KLC1: variants seen among roughly 807,000 people sequenced by gnomAD.
KLC1 encodes the protein kinesin 2 60/70kDa.
Under a neutral mutation model 84.2 loss-of-function variants are expected in KLC1, and 30 were observed. The observed-to-expected ratio is 0.36, with a 90% CI of 0.27 to 0.48. The LOEUF (loss-of-function observed/expected upper bound fraction) is 0.48. Ranked by LOEUF, KLC1 falls within the 20% of genes least tolerant of loss-of-function variation. The pLI, the probability that KLC1 is intolerant of heterozygous loss-of-function variation, is 0.99. For synonymous variants in KLC1, 289 were observed against 293.3 expected (o/e 0.99, Z 0.15); for missense variants, 499 against 805.4 (o/e 0.62, Z 4.60).
chr14:103,631,648 A>G (rs578227805), intron 1 of KLC1, among the ~76,000 whole-genome samples: 1 of 152,260 alleles, frequency 6.6e-6, no homozygotes, highest in Admixed American at 6.5e-5. Context: ...CTCAGGCTAG[A>G]GTGCAGTGGT....
rs910431042 is a variant in KLC1, at chr14:103,700,664, G to A, written c.1858G>A (p.Gly620Ser). The A allele has an allele frequency of 1.2e-6, 2 of 1,607,480 alleles. No homozygotes were observed. The highest frequency in any genetic ancestry group is 2.3e-5 in the East Asian group (1 of 44,382). Residue 620 changes from glycine (G) to serine (S), a missense_variant, in exon 16 of 17, where the codon GGC (glycine) becomes AGC (serine). Physicochemically the swap from Gly to Ser is moderately conservative, Grantham distance 56. Transcript: ENST00000334553. ...TGTGCTTCATCTCCAGGGCGTCTCT[G>A]GCCGAGCCTCTTTTTGTGGAAAACG... is the stretch of plus-strand genomic sequence containing the variant. ...AAEDRFQGVS[G>S]RASFCGKRQQ... is the part of the protein sequence containing the mutation.
chr14:103,645,293 G>A (rs1396183697), intron 1 of KLC1, among the ~76,000 whole-genome samples: 7 of 152,090 alleles, frequency 4.6e-5, no homozygotes, highest in East Asian at 1.9e-4. Flanking sequence ...CAGATTTCTC[G>A]GGAAAATTTG....
At chr14:103,664,802 A>G (rs1595430656) in intron 5 of KLC1, among the ~76,000 whole-genome samples, 1 of 143,778 alleles carries the variant, frequency 7.0e-6, no homozygotes, top group East Asian at 2.1e-4. Context: ...GGCGTGAACC[A>G]CTGCACTTGG....
At chr14:103,665,889 A>G (rs935961836) in intron 5 of KLC1, among the ~76,000 whole-genome samples, 17 of 152,076 alleles carry the variant, frequency 1.1e-4, no homozygotes, top group Non-Finnish European at 1.6e-4. Flanking sequence ...GGGGGGCTCT[A>G]TTCCGTTGGT....
At chr14:103,653,852 A>G (rs908263786) in intron 1 of KLC1, among the ~76,000 whole-genome samples, 2 of 152,220 alleles carry the variant, frequency 1.3e-5, no homozygotes, top group African/African-American at 4.8e-5. Context: ...AGAGGGAACC[A>G]TTGCTCAGTG....
chr14:103,679,586 C>T, intron 13 of KLC1, 41 bp downstream of exon 13: 1 of 1,518,210 alleles, frequency 6.6e-7, no homozygotes, highest in Non-Finnish European at 9.1e-7. Flanking sequence ...CGGGAGGCGC[C>T]CCCAAGTGGC....
intron 1 of KLC1, among the ~76,000 whole-genome samples, chr14:103,635,319 T>C (rs545854597): frequency 5.5e-4 from 84 of 152,328 alleles, no homozygotes; most frequent in African/African-American, 1.9e-3. Context: ...GTTTGCACTG[T>C]TCCAGAGAAA....
chr14:103,700,410 G>A (rs548607752), intron 15 of KLC1: 49 of 448,628 alleles, frequency 1.1e-4, no homozygotes, highest in African/African-American at 1.9e-4. Flanking sequence ...GCCTCTGACC[G>A]CACAGCTTGG....
rs2082280785 is a variant in KLC1, at chr14:103,694,138, G to A, written c.1848+1713G>A. ...TCCTTCCCAGCTGGAGCATCTTCCG[G>A]GTCTCTCTTTCCAAGGTCCCCATGC... On this transcript the variant is annotated intron_variant, in intron 15 of 16. Coordinates refer to ENST00000334553, the MANE Select transcript of KLC1 (RefSeq NM_001394837.1). The surrounding 1 kb of genome is among the most constrained non-coding windows in gnomAD (Gnocchi z 4.5). 1.0e-6 allele frequency: 1 copy of A among 985,450 alleles called. No homozygotes were observed. The highest frequency in any genetic ancestry group is 1.2e-6 in the Non-Finnish European group (1 of 829,790). The allele number at this position is 985,450 out of a possible 1,614,324, so 61.0% of individuals were successfully genotyped here. A position where few individuals can be genotyped will look rare whatever the true frequency, so the allele number is the denominator to read the frequency against.
Position 103,694,066 on chromosome 14 carries a change from G to A in KLC1, c.1848+1641G>A. 1 of 988,694 alleles carries A rather than the reference G, an allele frequency of 1.0e-6. No individual in the cohort carries two copies. Among genetic ancestry groups the A allele is most frequent in the Non-Finnish European group, 1.2e-6 (1 of 830,848 alleles). The allele number at this position is 988,694 out of a possible 1,614,324, so 61.2% of individuals were successfully genotyped here. On this transcript the variant is annotated intron_variant, in intron 15 of 16. Transcript: ENST00000334553. This position sits in a 1 kb window ranked among gnomAD's most constrained non-coding sequence, Gnocchi z 4.5. The stretch of plus-strand genomic sequence containing the variant: ...AACGATAGGCATTTAGTGATCTATG[G>A]CAGTAAAGCCTGAAGCTTAGCGGAC...
chr14:103,658,579 T>C (rs776229707), intron 3 of KLC1, among the ~76,000 whole-genome samples: 15 of 151,030 alleles, frequency 9.9e-5, no homozygotes, highest in Non-Finnish European at 1.6e-4. Flanking sequence ...CCAGCCTTCT[T>C]TCTCTGTTGG....
chr14:103,686,045 G>A, intron 13 of KLC1: 1 of 1,038,276 alleles, frequency 9.6e-7, no homozygotes, highest in Non-Finnish European at 1.2e-6. Context: ...GTGCTCCGTG[G>A]TACTTAGAGC....
Position 103,662,868 on chromosome 14 carries a change from T to C in KLC1, c.738T>C (p.Thr246=). The change falls in exon 5 of 17, where the codon ACT becomes ACC. Residue 246 remains threonine (T), a synonymous_variant. Coordinates refer to ENST00000334553, the MANE Select transcript of KLC1 (RefSeq NM_001394837.1). ...CKQALEDLEK[T]SGHDHPDVAT... The stretch of plus-strand genomic sequence containing the variant: ...AGGCCCTGGAGGACCTGGAGAAGAC[T>C]TCAGGACACGACCACCCGGACGTGG... The C allele has an allele frequency of 6.2e-7, 1 of 1,613,678 alleles. No homozygotes were observed. Among genetic ancestry groups the C allele is most frequent in the Non-Finnish European group, 8.5e-7 (1 of 1,179,926 alleles).
intron 14 of KLC1, among the ~76,000 whole-genome samples, chr14:103,690,162 T>A (rs2082012672): frequency 6.6e-6 from 1 of 151,064 alleles, no homozygotes; most frequent in Admixed American, 6.6e-5. Context: ...GCCTGGGCGA[T>A]GGAGTGAAAC....
Position 103,694,353 on chromosome 14 carries a change from G to A in KLC1, c.1848+1928G>A, listed in dbSNP as rs2061640894. 3 of 928,438 alleles carry A rather than the reference G, an allele frequency of 3.2e-6. No homozygotes were observed. Among genetic ancestry groups the A allele is most frequent in the Non-Finnish European group, 3.8e-6 (3 of 780,004 alleles). The allele number at this position is 928,438 out of a possible 1,614,324, so 57.5% of individuals were successfully genotyped here. On this transcript the variant is annotated intron_variant, in intron 15 of 16. Transcript: ENST00000334553. The surrounding 1 kb of genome is among the most constrained non-coding windows in gnomAD (Gnocchi z 4.5). Reference sequence around the variant, plus strand: ...TGCAAGCTCCACCTCCTGGGTTCACGCCATTCTCCTGCCTCAGCCTCCCGA... The same window carrying A: ...TGCAAGCTCCACCTCCTGGGTTCACACCATTCTCCTGCCTCAGCCTCCCGA...
intron 14 of KLC1, among the ~76,000 whole-genome samples, chr14:103,690,484 C>T (rs1302120357): frequency 2.6e-5 from 4 of 152,232 alleles, no homozygotes; most frequent in Admixed American, 6.5e-5. Context: ...GCTGTGCTCA[C>T]AGCACTGCTG....
chr14:103,673,448 C>T lies in KLC1; in HGVS notation c.1261+17C>T, dbSNP rs368183025. 6 of 1,443,994 alleles carry T rather than the reference C, an allele frequency of 4.2e-6. No individual in the cohort carries two copies. Among genetic ancestry groups the T allele is most frequent in the South Asian group, 2.4e-5 (2 of 81,876 alleles). 89.4% of individuals were successfully genotyped at this position (1,443,994 alleles called of 1,614,324 possible). A position where few individuals can be genotyped will look rare whatever the true frequency, so the allele number is the denominator to read the frequency against. On this transcript the variant is annotated intron_variant, in intron 9 of 16. Coordinates refer to ENST00000334553, the MANE Select transcript of KLC1 (RefSeq NM_001394837.1). ...CTGTAGATGGTAAGAAATATACTCC[C>T]GTTTCAAGTGAATTTAATTGTATAA... is the stretch of plus-strand genomic sequence containing the variant.
chr14:103,699,226 C>T lies in KLC1; in HGVS notation c.1849-1429C>T, dbSNP rs771788141. 38 of 1,543,778 alleles carry T rather than the reference C, an allele frequency of 2.5e-5. No individual in the cohort carries two copies. The East Asian group carries it at 5.3e-4, about 22-fold the overall frequency. On this transcript the variant is annotated intron_variant, in intron 15 of 16. Transcript: ENST00000334553. ...CAGCTGCAACGGCTGAGGGTCTTCT[C>T]GATGGTTAGGCACAGGCTGCTACCC...
chr14:103,663,535 G>A (rs1328840097), intron 5 of KLC1, among the ~76,000 whole-genome samples: 2 of 152,160 alleles, frequency 1.3e-5, no homozygotes, highest in East Asian at 1.9e-4. Context: ...CTGTGCAGGC[G>A]GCTTCTTTTG....
Sources: gnomAD v4.1 joint callset for allele counts (sites outside exome capture counted in the v4.1 genomes callset) on GRCh38, gnomAD v4.1.1 for gene constraint, Gnocchi (gnomAD v3.1) non-coding constraint, MANE v1.5 for transcripts, NCBI Gene and HGNC (gene_info 2026-07-23, HGNC 2026-07-21) for gene names.